The following IL12RB1 variants were observed in gnomAD, a reference collection of about 807,000 sequenced individuals.
IL12RB1 encodes interleukin-12 receptor subunit beta-1.
A neutral mutation model predicts 94.4 loss-of-function variants in IL12RB1; 64 were observed. The observed-to-expected ratio is 0.68, with a 90% confidence interval of 0.55 to 0.83. The LOEUF is 0.83. Among genes scored for constraint, IL12RB1 ranks in the 40% least tolerant of loss-of-function variants. The probability of loss-of-function intolerance (pLI) is 0.00; values close to 1 mark genes in which losing one functional copy is unlikely to be tolerated. For synonymous variants in IL12RB1, 362 were observed against 355.5 expected (o/e 1.02, Z -0.21); for missense variants, 814 against 855.6 (o/e 0.95, Z 0.61).
chr19:18,086,443 T>C (rs942573847), intron 1 of IL12RB1, among the ~76,000 whole-genome samples: 4 of 152,138 alleles, frequency 2.6e-5, no homozygotes, highest in Non-Finnish European at 4.4e-5. Flanking sequence ...TATTGTAAAC[T>C]ACATACATAA....
chr19:18,098,205 T>C (rs2037167379), intron 1 of IL12RB1, among the ~76,000 whole-genome samples: 1 of 152,128 alleles, frequency 6.6e-6, no homozygotes, highest in Non-Finnish European at 1.5e-5. Flanking sequence ...TATGAGTTCA[T>C]ATGTATTAAT....
chr19:18,062,545 G>A (rs17886920), intron 13 of IL12RB1, among the ~76,000 whole-genome samples: 106 of 152,214 alleles, frequency 7.0e-4, no homozygotes, highest in African/African-American at 2.5e-3. Context: ...GGCCAACGTG[G>A]GCTGATCACC....
intron 8 of IL12RB1, among the ~76,000 whole-genome samples, 187 bp downstream of exon 8, chr19:18,073,330 C>T (rs1357983799): frequency 6.6e-6 from 1 of 152,082 alleles, no homozygotes; most frequent in East Asian, 1.9e-4. Flanking sequence ...CAGTCATGTG[C>T]CTCTCCTGCT....
At chr19:18,075,974 C>T (rs929475962) in intron 6 of IL12RB1, 106 bp from the exon 7 acceptor site, 5 of 1,129,690 alleles carry the variant, frequency 4.4e-6, no homozygotes, top group Non-Finnish European at 6.7e-6. Context: ...TACAGAGCCA[C>T]GTGCTGGGTC....
At position 18,075,750 on chromosome 19, in the gene IL12RB1, A is replaced by G. The variant is rs762184085; in HGVS notation, c.699T>C (p.Pro233=). ...TTCCTGTACTCAGAGTGATCTTACC[A>G]GGGGGAACGCACACGGGGCTGCTCC... ...SKWSSPVCVP[P]ENPPQPQVRF... Residue 233 remains proline (P), a splice_region_variant and synonymous_variant, in exon 7 of 17, where the codon CCT becomes CCC. Transcript: ENST00000593993. 37 of 1,612,180 alleles carry G rather than the reference A, an allele frequency of 2.3e-5. No homozygotes were observed. The highest frequency in any genetic ancestry group is 3.0e-5 in the Non-Finnish European group (35 of 1,178,472).
chr19:18,076,713 TTTAAA>T (rs1281183722), intron 5 of IL12RB1, among the ~76,000 whole-genome samples: 1 of 152,114 alleles, frequency 6.6e-6, no homozygotes, highest in Admixed American at 6.6e-5. Context: ...GCTAAATTTT[TTTAAA>T]TTAAAGACCA....
At chr19:18,067,292 C>G (rs1020441052) in intron 11 of IL12RB1, among the ~76,000 whole-genome samples, 1 of 142,630 alleles carries the variant, frequency 7.0e-6, no homozygotes, top group Non-Finnish European at 1.5e-5. Flanking sequence ...CCACTGCACT[C>G]CAGCCTGGGC....
intron 12 of IL12RB1, among the ~76,000 whole-genome samples, chr19:18,064,409 G>T (rs1231883449): frequency 6.6e-6 from 1 of 151,628 alleles, no homozygotes; most frequent in Non-Finnish European, 1.5e-5. Flanking sequence ...AAAGTGCTGG[G>T]ATTACAGGTG....
At position 18,072,171 on chromosome 19, in the gene IL12RB1, G is replaced by A. The variant is rs147766868; in HGVS notation, c.962C>T (p.Ser321Leu). 36 of 1,614,054 alleles carry A rather than the reference G, an allele frequency of 2.2e-5. No individual in the cohort carries two copies. The highest frequency in any genetic ancestry group is 1.9e-4 in the African/African-American group (14 of 74,942). Residue 321 changes from serine to leucine, a missense_variant, in exon 9 of 17, where the codon TCG (serine) becomes TTG (leucine). By Grantham distance (145) the Ser-to-Leu change is moderately radical (BLOSUM62 -2). Transcript: ENST00000593993. Reference sequence around the variant, plus strand: ...GTTCAGGCCAGGACCAAATTGGTTCGAGGAGATGACAGCCACGTTGTAGGC... The same window carrying A: ...GTTCAGGCCAGGACCAAATTGGTTCAAGGAGATGACAGCCACGTTGTAGGC... Reference protein sequence around the residue: ...GAAYNVAVISSNQFGPGLNQT... With the variant: ...GAAYNVAVISLNQFGPGLNQT...
At position 18,059,846 on chromosome 19, in the gene IL12RB1, C is replaced by T. The variant is rs1272104370; in HGVS notation, c.1983+48G>A. Reference sequence around the variant, plus strand: ...GATGGATGTCTAGCCCCCCCACCCCCCGGGCAGGGTTGCACCCCTGACCGT... The same window carrying T: ...GATGGATGTCTAGCCCCCCCACCCCTCGGGCAGGGTTGCACCCCTGACCGT... On this transcript the variant is annotated intron_variant, in intron 16 of 16. Coordinates refer to ENST00000593993, the MANE Select transcript of IL12RB1 (RefSeq NM_005535.3). The T allele has an allele frequency of 3.6e-6, 4 of 1,115,246 alleles. No individual in the cohort carries two copies. In the Admixed American group the frequency reaches 7.9e-5, roughly 22 times the overall value. 69.1% of individuals were successfully genotyped at this position (1,115,246 alleles called of 1,614,324 possible).
At chr19:18,069,523 C>A (rs1362054253) in intron 10 of IL12RB1, 23 bp downstream of exon 10, 1 of 1,586,868 alleles carries the variant, frequency 6.3e-7, no homozygotes, top group Non-Finnish European at 8.5e-7. Flanking sequence ...GAGGGGTAGG[C>A]GCAGGCCATT....
Position 18,069,680 on chromosome 19 carries a change from T to C in IL12RB1, c.1055A>G (p.Asn352Ser). The stretch of plus-strand genomic sequence containing the variant: ...GGCTGGCCAATACATGGTGGTCCCG[T>C]TGGTTCCGACGCTGATATTCAGAGC... ...PVALNISVGT[N>S]GTTMYWPARA... is the part of the protein sequence containing the mutation. The change falls in exon 10 of 17, where the codon AAC becomes AGC. Residue 352 changes from asparagine (N) to serine (S), a missense_variant. Transcript: ENST00000593993. The C allele has an allele frequency of 6.2e-7, 1 of 1,612,708 alleles. No homozygotes were observed. Among genetic ancestry groups the C allele is most frequent in the Non-Finnish European group, 8.5e-7 (1 of 1,179,230 alleles).
chr19:18,082,123 GT>G, intron 3 of IL12RB1, 26 bp downstream of exon 3: 6 of 1,399,482 alleles, frequency 4.3e-6, no homozygotes, highest in Non-Finnish European at 6.1e-6. Flanking sequence ...GTGGGTGAGG[GT>G]TTGGGAATGG....
intron 1 of IL12RB1, among the ~76,000 whole-genome samples, chr19:18,093,387 C>A (rs1031637071): frequency 8.1e-5 from 12 of 147,544 alleles, no homozygotes; most frequent in Admixed American, 6.0e-4. Flanking sequence ...TGTGTGTTAA[C>A]CACAGAAAAA....
chr19:18,061,135 G>A lies in IL12RB1; in HGVS notation c.1778C>T (p.Pro593Leu). 6.3e-7 allele frequency: 1 copy of A among 1,590,904 alleles called. No homozygotes were observed. The highest frequency in any genetic ancestry group is 8.6e-7 in the Non-Finnish European group (1 of 1,162,706). ...AGGCATCCTTACCTCCTTCCCTCCA[G>A]GGAACTCAATGGCGGAGCTGGCACA... ...TPCASSAIEF[P>L]GGKETWQWIN... The change falls in exon 15 of 17, where the codon CCT becomes CTT. Residue 593 changes from proline to leucine, a missense_variant. Physicochemically the swap from Pro to Leu is moderately conservative, Grantham distance 98. Coordinates refer to ENST00000593993, the MANE Select transcript of IL12RB1 (RefSeq NM_005535.3).
At chr19:18,070,637 T>A in intron 9 of IL12RB1, 6 of 539,342 alleles carry the variant, frequency 1.1e-5, no homozygotes, top group South Asian at 8.1e-5. Flanking sequence ...CAGGCACCAT[T>A]TCACTATGAT....
chr19:18,061,217 A>C lies in IL12RB1; in HGVS notation c.1716-20T>G. On this transcript the variant is annotated intron_variant, in intron 14 of 16. Transcript: ENST00000593993. Reference sequence around the variant, plus strand: ...GCGGCCCTGGGGAGGAAAGGGGACCAGTGAGAGGAGCTGAGGTTTTTTTTT... The same window carrying C: ...GCGGCCCTGGGGAGGAAAGGGGACCCGTGAGAGGAGCTGAGGTTTTTTTTT... 1 of 1,343,160 alleles carries C rather than the reference A, an allele frequency of 7.4e-7. No homozygotes were observed. Among genetic ancestry groups the C allele is most frequent in the South Asian group, 1.3e-5 (1 of 76,080 alleles). 83.2% of individuals were successfully genotyped at this position (1,343,160 alleles called of 1,614,324 possible). A position where few individuals can be genotyped will look rare whatever the true frequency, so the allele number is the denominator to read the frequency against.
chr19:18,063,156 T>TG (rs994946030), intron 13 of IL12RB1, among the ~76,000 whole-genome samples: 1 of 131,742 alleles, frequency 7.6e-6, no homozygotes, highest in Non-Finnish European at 1.6e-5. Flanking sequence ...AGTGCAGTGG[T>TG]GCAGTCACGG....
rs141341557 is a variant in IL12RB1, at chr19:18,075,852, G to C, written c.597C>G (p.Pro199=). The change falls in exon 7 of 17, where the codon CCC becomes CCG. Residue 199 remains proline, a synonymous_variant. Coordinates refer to ENST00000593993, the MANE Select transcript of IL12RB1 (RefSeq NM_005535.3). ...ATTCCTGGGCCACATTCATCTCCAGGGGGCAGAGGCAGGACTCTGGGGAGA... is the reference window on the plus strand; with the variant it reads ...ATTCCTGGGCCACATTCATCTCCAGCGGGCAGAGGCAGGACTCTGGGGAGA... ...QDDDTESCLC[P]LEMNVAQEFQ... 2.5e-6 allele frequency: 4 copies of C among 1,613,334 alleles called. No individual in the cohort carries two copies. Among genetic ancestry groups the C allele is most frequent in the Non-Finnish European group, 3.4e-6 (4 of 1,179,398 alleles).
Sources: allele counts gnomAD v4.1 joint callset (sites outside exome capture counted in the v4.1 genomes callset), GRCh38; gene constraint gnomAD v4.1.1; transcripts MANE v1.5; gene names NCBI Gene and HGNC (gene_info 2026-07-23, HGNC 2026-07-21).